Variants in DLGAP1 observed in about 807,000 individuals in gnomAD.
The protein encoded by DLGAP1 is disks large-associated protein 1.
In DLGAP1, 11 loss-of-function variants were observed where a neutral mutation model predicts 90.8. The observed-to-expected ratio is 0.12, with a 90% CI of 0.08 to 0.20. The LOEUF is 0.20. Ranked by LOEUF, DLGAP1 falls within the 10% of genes least tolerant of loss-of-function variation. DLGAP1 has a pLI of 1.00. For synonymous variants in DLGAP1, 558 were observed against 540.7 expected, an observed-to-expected ratio of 1.03 and a Z score of -0.44; for missense variants, 1,050 against 1,333.8, an observed-to-expected ratio of 0.79 and a Z score of 3.31.
intron 7 of DLGAP1, among the ~76,000 whole-genome samples, chr18:3,591,464 G>A (rs2056242179): frequency 6.6e-6 from 1 of 151,938 alleles, no homozygotes; most frequent in Non-Finnish European, 1.5e-5. Context: ...CAGGTGGGAG[G>A]ATCTCTTTGA....
chr18:3,851,285 G>A (rs1015803338), intron 4 of DLGAP1, among the ~76,000 whole-genome samples: 2 of 152,172 alleles, frequency 1.3e-5, no homozygotes, highest in East Asian at 3.9e-4. Context: ...TTAGGGCCAG[G>A]AAAATTCTAA....
chr18:4,430,693 G>A (rs1051252897), intron 1 of DLGAP1: 3 of 152,278 alleles, frequency 2.0e-5, no homozygotes, highest in Non-Finnish European at 2.9e-5. Flanking sequence ...GATGGCAACT[G>A]TTGTGGTATG....
intron 7 of DLGAP1, among the ~76,000 whole-genome samples, chr18:3,651,831 C>G (rs868445799): frequency 1.3e-5 from 2 of 151,884 alleles, no homozygotes; most frequent in African/African-American, 4.8e-5. Flanking sequence ...AATAGCCGGG[C>G]GTGGTGGCGG....
intron 1 of DLGAP1, among the ~76,000 whole-genome samples, chr18:4,197,204 A>G (rs528865318): frequency 6.3e-4 from 95 of 149,994 alleles, no homozygotes; most frequent in African/African-American, 2.2e-3. Flanking sequence ...AAAAAAAAAA[A>G]AAAAGAAAAA....
At chr18:4,303,813 T>C (rs1275259181) in intron 1 of DLGAP1, among the ~76,000 whole-genome samples, 1 of 152,214 alleles carries the variant, frequency 6.6e-6, no homozygotes, top group Non-Finnish European at 1.5e-5. Flanking sequence ...TGAAGTGTAT[T>C]AGAAGAAGGA....
chr18:3,580,587 T>C, intron 8 of DLGAP1: 2 of 1,586,832 alleles, frequency 1.3e-6, no homozygotes, highest in South Asian at 1.1e-5. Flanking sequence ...GAGGTGCCCA[T>C]GGAGACTAGA....
At chr18:4,269,575 CG>C (rs1406167092) in intron 1 of DLGAP1, among the ~76,000 whole-genome samples, 52 of 151,818 alleles carry the variant, frequency 3.4e-4, no homozygotes, top group Admixed American at 3.3e-3. Flanking sequence ...AGGATGGTCT[CG>C]ATCTCCTGAC....
At chr18:3,932,654 T>C (rs1488303333) in intron 3 of DLGAP1, among the ~76,000 whole-genome samples, 2 of 152,186 alleles carry the variant, frequency 1.3e-5, no homozygotes, top group South Asian at 4.1e-4. Flanking sequence ...TCTCTGTCAA[T>C]CTATCTCATA....
In DLGAP1 at chr18:3,562,539, CT is replaced by C. The variant is rs59612709; in HGVS notation, c.2057+4950del. On this transcript the variant is annotated intron_variant, in intron 9 of 12. Coordinates refer to ENST00000315677, the MANE Select transcript of DLGAP1 (RefSeq NM_004746.4). ...TCCCTGCAGAAGCCCTCTTCTCTCCCTTTTTTTTTTTTTTTTTTTTTTTTAG... is the reference window on the plus strand; with the variant it reads ...TCCCTGCAGAAGCCCTCTTCTCTCCCTTTTTTTTTTTTTTTTTTTTTTTAG... Among the ~76,000 whole-genome samples the C allele has an allele frequency of 5.1e-3, 598 of 118,142 alleles. 3 individuals are homozygous for C. Among genetic ancestry groups the C allele is most frequent in the Middle Eastern group, 9.7e-3 (2 of 206 alleles). 77.5% of individuals were successfully genotyped at this position (118,142 alleles called of 152,430 possible). A position where few individuals can be genotyped will look rare whatever the true frequency, so the allele number is the denominator to read the frequency against.
intron 3 of DLGAP1, among the ~76,000 whole-genome samples, chr18:3,883,054 G>T (rs796937003): frequency 6.6e-6 from 1 of 152,178 alleles, no homozygotes; most frequent in South Asian, 2.1e-4. Context: ...GACCAGTCTA[G>T]CCAACATGGT....
At chr18:4,325,666 C>A (rs967118209) in intron 1 of DLGAP1, among the ~76,000 whole-genome samples, 6 of 152,014 alleles carry the variant, frequency 3.9e-5, no homozygotes, top group African/African-American at 1.2e-4. Context: ...CAAAAATAGA[C>A]ACATAGACCA....
intron 3 of DLGAP1, among the ~76,000 whole-genome samples, chr18:3,917,650 A>T (rs1599157179): frequency 6.6e-6 from 1 of 152,352 alleles, no homozygotes; most frequent in Non-Finnish European, 1.5e-5. Flanking sequence ...TTTGCTATCA[A>T]GTAAATTTCA....
intron 1 of DLGAP1, among the ~76,000 whole-genome samples, chr18:4,346,568 C>G (rs2143921311): frequency 6.6e-6 from 1 of 152,202 alleles, no homozygotes; most frequent in East Asian, 1.9e-4. Context: ...AATTAGGAAA[C>G]TGATAATCGG....
intron 1 of DLGAP1, among the ~76,000 whole-genome samples, chr18:4,356,885 G>A (rs1477910059): frequency 2.6e-5 from 4 of 152,044 alleles, no homozygotes; most frequent in Non-Finnish European, 5.9e-5. Flanking sequence ...GGTCTTTCTA[G>A]GACGTGCCAC....
intron 1 of DLGAP1, among the ~76,000 whole-genome samples, chr18:4,156,280 G>C (rs1407106580): frequency 2.0e-5 from 3 of 152,176 alleles, no homozygotes; most frequent in Admixed American, 2.0e-4. Flanking sequence ...GCTGGAGTTT[G>C]TGTTAGAAGC....
chr18:4,022,497 A>G (rs1044996175), intron 2 of DLGAP1, among the ~76,000 whole-genome samples: 2 of 152,104 alleles, frequency 1.3e-5, no homozygotes, highest in African/African-American at 4.8e-5. Context: ...ATACTGTGGC[A>G]TAAGTATCTT....
chr18:4,010,730 G>C (rs2074402139), intron 2 of DLGAP1, among the ~76,000 whole-genome samples: 1 of 152,142 alleles, frequency 6.6e-6, no homozygotes, highest in South Asian at 2.1e-4. Flanking sequence ...ATTCTCATAA[G>C]AATGGAGGTG....
chr18:3,688,371 A>G (rs2146978072), intron 7 of DLGAP1, among the ~76,000 whole-genome samples: 1 of 152,270 alleles, frequency 6.6e-6, no homozygotes, highest in East Asian at 1.9e-4. Flanking sequence ...CCAGCCCTCT[A>G]AAGGGAAGCA....
At chr18:3,620,686 G>A (rs990350357) in intron 7 of DLGAP1, among the ~76,000 whole-genome samples, 2 of 151,890 alleles carry the variant, frequency 1.3e-5, no homozygotes, top group African/African-American at 4.8e-5. Flanking sequence ...GCCTCCCGAG[G>A]AGCTGGGATT....
Sources: allele counts gnomAD v4.1 joint callset (sites outside exome capture counted in the v4.1 genomes callset), GRCh38; gene constraint gnomAD v4.1.1; transcripts MANE v1.5; gene names NCBI Gene and HGNC (gene_info 2026-07-23, HGNC 2026-07-21).